NXPH1: variants seen among roughly 807,000 people sequenced by gnomAD.
NXPH1 encodes neurexophilin 1, also known as neurexophilin-1.
In NXPH1, 5 loss-of-function variants were observed where a neutral mutation model predicts 23.7. That is an observed-to-expected ratio of 0.21 (90% confidence interval 0.11 to 0.44). The LOEUF is 0.44. NXPH1 is among the 20% of genes least tolerant of loss of function. The pLI is 0.99. For synonymous variants in NXPH1, 144 were observed against 122.2 expected (o/e 1.18, Z -1.18); for missense variants, 324 against 321.6 (o/e 1.01, Z -0.06).
At position 8,443,711 on chromosome 7, in the gene NXPH1, C is replaced by T. The variant is rs140712021; in HGVS notation, c.54+7944C>T. Among the ~76,000 whole-genome samples the T allele has an allele frequency of 2.5e-3, 377 of 152,076 alleles. 3 individuals carry two copies. The highest frequency in any genetic ancestry group is 8.7e-3 in the African/African-American group (361 of 41,326). On this transcript the variant is annotated intron_variant, in intron 2 of 2. Transcript: ENST00000405863. ...GAAAGTTCCTGGCTCGCCTTTAATGCAGACGAATGGGGGATGCAGCCTCAT... is the reference window on the plus strand; with the variant it reads ...GAAAGTTCCTGGCTCGCCTTTAATGTAGACGAATGGGGGATGCAGCCTCAT...
chr7:8,466,517 A>T (rs1221073256), intron 2 of NXPH1, among the ~76,000 whole-genome samples: 2 of 152,182 alleles, frequency 1.3e-5, no homozygotes, highest in Non-Finnish European at 2.9e-5. Flanking sequence ...TGTCTGCAAC[A>T]TTTGCTGGAG....
At chr7:8,570,340 C>A (rs796723147) in intron 2 of NXPH1, among the ~76,000 whole-genome samples, 4 of 151,982 alleles carry the variant, frequency 2.6e-5, no homozygotes, top group African/African-American at 9.6e-5. Flanking sequence ...CTGGCTCTGG[C>A]ATGAATAAGC....
intron 2 of NXPH1, among the ~76,000 whole-genome samples, chr7:8,696,563 A>T (rs1779517262): frequency 6.6e-6 from 1 of 152,224 alleles, no homozygotes. Flanking sequence ...CCTGAATGAT[A>T]GGCAAAAGTC....
intron 2 of NXPH1, among the ~76,000 whole-genome samples, chr7:8,441,317 C>G (rs1460082466): frequency 6.6e-6 from 1 of 152,122 alleles, no homozygotes; most frequent in Non-Finnish European, 1.5e-5. Flanking sequence ...AAGTTTCAGT[C>G]TTGATTTATC....
chr7:8,491,464 C>T (rs900639943), intron 2 of NXPH1, among the ~76,000 whole-genome samples: 7 of 151,934 alleles, frequency 4.6e-5, no homozygotes, highest in Admixed American at 6.6e-5. Flanking sequence ...AATATGCTCC[C>T]GGAAGTTAGA....
chr7:8,712,598 T>TA (rs149286219), intron 2 of NXPH1, among the ~76,000 whole-genome samples: 3,104 of 152,242 alleles, frequency 0.02, 104 homozygotes, highest in African/African-American at 0.069. Flanking sequence ...AATGAAAACA[T>TA]AAAAAATCCT....
intron 2 of NXPH1, among the ~76,000 whole-genome samples, chr7:8,726,771 T>C (rs1373357151): frequency 1.3e-5 from 2 of 149,770 alleles, no homozygotes; most frequent in Admixed American, 1.3e-4. Context: ...GTCTTTGCTA[T>C]TGTGAATAAT....
At chr7:8,510,382 T>C (rs1007878296) in intron 2 of NXPH1, among the ~76,000 whole-genome samples, 3 of 152,038 alleles carry the variant, frequency 2.0e-5, no homozygotes, top group African/African-American at 4.8e-5. Flanking sequence ...GTAACTAATA[T>C]GCCTGTCTCA....
chr7:8,643,797 A>C (rs1820354204), intron 2 of NXPH1, among the ~76,000 whole-genome samples: 1 of 152,160 alleles, frequency 6.6e-6, no homozygotes, highest in Non-Finnish European at 1.5e-5. Flanking sequence ...TTTTGACAAT[A>C]TCTTCCTTCA....
intron 2 of NXPH1, among the ~76,000 whole-genome samples, chr7:8,533,386 A>T (rs1033202819): frequency 2.6e-5 from 4 of 152,136 alleles, no homozygotes; most frequent in Non-Finnish European, 5.9e-5. Context: ...CTAAAATTAG[A>T]ATCCATATCA....
At chr7:8,731,502 C>T (rs866034437) in intron 2 of NXPH1, among the ~76,000 whole-genome samples, 11 of 151,976 alleles carry the variant, frequency 7.2e-5, no homozygotes, top group South Asian at 4.2e-4. Flanking sequence ...ATGATGGTGA[C>T]GTACAGATGG....
At chr7:8,522,315 T>C (rs2040765) in intron 2 of NXPH1, among the ~76,000 whole-genome samples, 46,162 of 151,814 alleles carry the variant, frequency 0.3, 7,243 homozygotes, top group East Asian at 0.38. Flanking sequence ...TCTCCAGTTG[T>C]GTGCAGTGTT....
intron 2 of NXPH1, among the ~76,000 whole-genome samples, chr7:8,525,653 C>A (rs1252220931): frequency 6.6e-6 from 1 of 152,210 alleles, no homozygotes; most frequent in Non-Finnish European, 1.5e-5. Context: ...ACCCTGTGTC[C>A]AAGCTCCTCT....
At chr7:8,508,851 G>C (rs1176949302) in intron 2 of NXPH1, among the ~76,000 whole-genome samples, 2 of 152,062 alleles carry the variant, frequency 1.3e-5, no homozygotes, top group African/African-American at 4.8e-5. Context: ...TAAAAGGAAA[G>C]ATATCAGTCT....
At chr7:8,517,519 T>A (rs750037756) in intron 2 of NXPH1, among the ~76,000 whole-genome samples, 4 of 152,044 alleles carry the variant, frequency 2.6e-5, no homozygotes, top group African/African-American at 9.7e-5. Context: ...GAGTCTGGAG[T>A]GATCCTTGCA....
intron 2 of NXPH1, among the ~76,000 whole-genome samples, chr7:8,659,499 G>C (rs1273436950): frequency 6.6e-6 from 1 of 152,070 alleles, no homozygotes; most frequent in African/African-American, 2.4e-5. Flanking sequence ...ACCAAACACT[G>C]CATGTTCTCA....
chr7:8,740,648 T>C (rs1780345415), intron 2 of NXPH1, among the ~76,000 whole-genome samples: 1 of 152,188 alleles, frequency 6.6e-6, no homozygotes, highest in Non-Finnish European at 1.5e-5. Flanking sequence ...AGCTCTGTGG[T>C]ACCTGAAGCA....
chr7:8,670,065 C>G (rs1339639932), intron 2 of NXPH1, among the ~76,000 whole-genome samples: 1 of 152,162 alleles, frequency 6.6e-6, no homozygotes, highest in African/African-American at 2.4e-5. Flanking sequence ...TGGAATTGCT[C>G]TCTTGAAGAT....
At position 8,435,689 on chromosome 7, in the gene NXPH1, C is replaced by G; in HGVS notation, c.-25C>G. 1 of 1,612,788 alleles carries G rather than the reference C, an allele frequency of 6.2e-7. No individual in the cohort carries two copies. Among genetic ancestry groups the G allele is most frequent in the African/African-American group, 1.3e-5 (1 of 75,008 alleles). On this transcript the variant is annotated 5_prime_UTR_variant, in exon 2 of 3. Coordinates refer to ENST00000405863, the MANE Select transcript of NXPH1 (RefSeq NM_152745.3). This position sits in a 1 kb window ranked among gnomAD's most constrained non-coding sequence, Gnocchi z 5.9. ...GAACAAAGACTCAAAGAAGGCACCG[C>G]CAAGGAAGTTTGAGACGCGGGAGAA...
Sources: allele counts gnomAD v4.1 joint callset (sites outside exome capture counted in the v4.1 genomes callset), GRCh38; gene constraint gnomAD v4.1.1; non-coding constraint Gnocchi (gnomAD v3.1); transcripts MANE v1.5; gene names NCBI Gene and HGNC (gene_info 2026-07-23, HGNC 2026-07-21).